HOOK3: variants seen among roughly 807,000 people sequenced by gnomAD.
The protein encoded by HOOK3 is hook microtubule tethering protein 3.
HOOK3 carries 24 observed loss-of-function variants against 116.3 expected under a neutral mutation model. The ratio of observed to expected loss-of-function variants is 0.21; its 90% confidence interval spans 0.15 to 0.29. HOOK3 has a LOEUF of 0.29. Ranked by LOEUF, HOOK3 falls within the 10% of genes least tolerant of loss-of-function variation. HOOK3 has a pLI of 1.00. For missense variants in HOOK3, 632 were observed against 830.2 expected (o/e 0.76, Z 2.93); for synonymous variants, 275 against 283.0 (o/e 0.97, Z 0.28).
intron 13 of HOOK3, among the ~76,000 whole-genome samples, chr8:42,978,611 A>G (rs541161046): frequency 1.7e-4 from 26 of 152,086 alleles, no homozygotes; most frequent in Non-Finnish European, 2.6e-4. Context: ...ACAGGGTTTC[A>G]CCATGTTGGC....
At chr8:42,942,292 T>G (rs1808142630) in intron 4 of HOOK3, among the ~76,000 whole-genome samples, 1 of 152,150 alleles carries the variant, frequency 6.6e-6, no homozygotes, top group Non-Finnish European at 1.5e-5. Flanking sequence ...CCAGTCCCGC[T>G]CCTCCAAAAC....
intron 4 of HOOK3, among the ~76,000 whole-genome samples, chr8:42,935,528 T>C (rs1433895440): frequency 6.6e-6 from 1 of 152,112 alleles, no homozygotes. Context: ...TTTTAGGTCT[T>C]ACATTTAAGT....
intron 2 of HOOK3, among the ~76,000 whole-genome samples, chr8:42,923,748 T>C (rs1807707873): frequency 6.6e-6 from 1 of 152,226 alleles, no homozygotes; most frequent in South Asian, 2.1e-4. Context: ...TGGTGATAGT[T>C]GTACCACTCT....
intron 13 of HOOK3, among the ~76,000 whole-genome samples, chr8:42,977,597 T>A (rs1372281277): frequency 6.6e-6 from 1 of 152,166 alleles, no homozygotes; most frequent in Non-Finnish European, 1.5e-5. Context: ...CTGGGCACAG[T>A]GGCTCACACC....
At position 43,008,895 on chromosome 8, in the gene HOOK3, G is replaced by A. The variant is rs886655705; in HGVS notation, c.1738+966G>A. Among the ~76,000 whole-genome samples the A allele has an allele frequency of 4.0e-5, 6 of 151,122 alleles. No homozygotes were observed. In the East Asian group the frequency reaches 7.9e-4, roughly 20 times the overall value. On this transcript the variant is annotated intron_variant, in intron 18 of 21. Transcript: ENST00000307602. ...GGGATGGTCTCGATCTCCTGACCTC[G>A]TGATCCGCCCGCCTCGGCCTCCCAA...
intron 13 of HOOK3, among the ~76,000 whole-genome samples, chr8:42,980,675 A>C (rs1329784056): frequency 2.0e-5 from 3 of 152,086 alleles, no homozygotes; most frequent in East Asian, 3.9e-4. Flanking sequence ...GGATCACCTG[A>C]GGTCAGGAGA....
chr8:42,992,331 T>C (rs554075735), intron 15 of HOOK3, among the ~76,000 whole-genome samples: 193 of 136,434 alleles, frequency 1.4e-3, no homozygotes, highest in African/African-American at 5.2e-3. Flanking sequence ...ACCTGGGAGG[T>C]GCAGCTTGCA....
chr8:42,989,270 T>C (rs1809110619), intron 15 of HOOK3, among the ~76,000 whole-genome samples: 1 of 152,180 alleles, frequency 6.6e-6, no homozygotes, highest in Non-Finnish European at 1.5e-5. Flanking sequence ...GCTGTATATA[T>C]TCAGCAATTA....
intron 17 of HOOK3, among the ~76,000 whole-genome samples, chr8:43,005,282 G>T (rs1563312550): frequency 7.2e-6 from 1 of 139,698 alleles, no homozygotes; most frequent in Admixed American, 7.6e-5. Context: ...GTGCAGTGGC[G>T]CCATCTCAGC....
At chr8:42,970,374 T>C (rs1171366451) in intron 11 of HOOK3, among the ~76,000 whole-genome samples, 1 of 152,224 alleles carries the variant, frequency 6.6e-6, no homozygotes, top group Non-Finnish European at 1.5e-5. Context: ...TCTCATACTT[T>C]GTCCTTTTTC....
intron 14 of HOOK3, among the ~76,000 whole-genome samples, chr8:42,984,320 A>G (rs1809007903): frequency 6.6e-6 from 1 of 151,548 alleles, no homozygotes; most frequent in Non-Finnish European, 1.5e-5. Context: ...GTGAGCCGAG[A>G]TCGCGCCATT....
chr8:42,899,526 A>G (rs1807140189), intron 1 of HOOK3, among the ~76,000 whole-genome samples: 2 of 152,260 alleles, frequency 1.3e-5, no homozygotes, highest in African/African-American at 2.4e-5. Flanking sequence ...AAATGTTTCA[A>G]TGAGCAATGT....
intron 2 of HOOK3, 41 bp from the exon 3 acceptor site, chr8:42,925,516 G>T: frequency 7.6e-7 from 1 of 1,321,682 alleles, no homozygotes; most frequent in Non-Finnish European, 1.1e-6. Flanking sequence ...TAGCTTGATA[G>T]CTACATGATT....
chr8:43,024,177 A>G lies in HOOK3; in HGVS notation c.*5679A>G, dbSNP rs1809889989. The stretch of plus-strand genomic sequence containing the variant: ...CTTGCTTTTTGCTGAGGGCAAAATA[A>G]CAACATGAAGACAAAGTGCTTTTTG... On this transcript the variant is annotated 3_prime_UTR_variant, in exon 22 of 22. Transcript: ENST00000307602. 1 of 203,678 alleles carries G rather than the reference A, an allele frequency of 4.9e-6. No individual in the cohort carries two copies. The highest frequency in any genetic ancestry group is 1.0e-5 in the Non-Finnish European group (1 of 99,366). The allele number at this position is 203,678 out of a possible 1,614,324, so 12.6% of individuals were successfully genotyped here. A position where few individuals can be genotyped will look rare whatever the true frequency, so the allele number is the denominator to read the frequency against.
chr8:43,013,306 C>T (rs772745614), intron 20 of HOOK3, 23 bp from the exon 21 acceptor site: 92 of 1,381,106 alleles, frequency 6.7e-5, no homozygotes, highest in Non-Finnish European at 8.2e-5. Flanking sequence ...TACATATTTA[C>T]ATGTGCTTTT....
intron 5 of HOOK3, among the ~76,000 whole-genome samples, chr8:42,943,987 A>G (rs1000731290): frequency 1.3e-5 from 2 of 152,248 alleles, no homozygotes; most frequent in African/African-American, 4.8e-5. Context: ...AAAATCTGGC[A>G]GATACTTTTC....
chr8:42,990,203 C>T (rs943569750), intron 15 of HOOK3, among the ~76,000 whole-genome samples: 1 of 151,896 alleles, frequency 6.6e-6, no homozygotes, highest in African/African-American at 2.4e-5. Context: ...CCTATGTTGC[C>T]CAGGCTGGTT....
intron 2 of HOOK3, among the ~76,000 whole-genome samples, chr8:42,910,275 C>G (rs1207696346): frequency 6.6e-6 from 1 of 152,014 alleles, no homozygotes; most frequent in Non-Finnish European, 1.5e-5. Context: ...GCAAAGTGGT[C>G]TTTTCATTTA....
Position 42,957,062 on chromosome 8 carries a change from CATAGTT to C in HOOK3, c.469-28_469-23del, listed in dbSNP as rs1183857585. On this transcript the variant is annotated intron_variant, in intron 6 of 21. Coordinates refer to ENST00000307602, the MANE Select transcript of HOOK3 (RefSeq NM_032410.4). ...TTTATGTAGAATGTCTTTTTTGCCT[CATAGTT>C]ATAATCATTTAAATCTTGATTTCAG... is the stretch of plus-strand genomic sequence containing the variant. The C allele has an allele frequency of 3.0e-6, 4 of 1,346,864 alleles. No homozygotes were observed. The African/African-American group carries it at 4.4e-5, about 15-fold the overall frequency. The allele number at this position is 1,346,864 out of a possible 1,614,324, so 83.4% of individuals were successfully genotyped here.
Sources: gnomAD v4.1 joint callset for allele counts (sites outside exome capture counted in the v4.1 genomes callset) on GRCh38, gnomAD v4.1.1 for gene constraint, MANE v1.5 for transcripts, NCBI Gene and HGNC (gene_info 2026-07-23, HGNC 2026-07-21) for gene names.